Variants in ATCAY observed in about 807,000 individuals in gnomAD.
ATCAY encodes the protein caytaxin.
In ATCAY, 22 loss-of-function variants were observed where a neutral mutation model predicts 47.7. The observed-to-expected ratio is 0.46, with a 90% confidence interval of 0.33 to 0.66. The LOEUF is 0.66. Ranked by LOEUF, ATCAY falls within the 30% of genes least tolerant of loss-of-function variation. ATCAY has a pLI of 0.02. For synonymous variants in ATCAY, 216 were observed against 207.6 expected, an observed-to-expected ratio of 1.04 and a Z score of -0.35; for missense variants, 452 against 515.0, an observed-to-expected ratio of 0.88 and a Z score of 1.18.
chr19:3,898,187 C>A (rs1402410204), intron 2 of ATCAY, among the ~76,000 whole-genome samples: 1 of 148,858 alleles, frequency 6.7e-6, no homozygotes, highest in Admixed American at 6.7e-5. Context: ...TTTTTTTTTT[C>A]TTTTCTTTTC....
In ATCAY at chr19:3,907,705, C is replaced by A; in HGVS notation, c.359-29C>A. 6.2e-7 allele frequency: 1 copy of A among 1,612,430 alleles called. No individual in the cohort carries two copies. Among genetic ancestry groups the A allele is most frequent in the Non-Finnish European group, 8.5e-7 (1 of 1,179,216 alleles). ...GCAGGAGATATCCGGACTCTGGCGT[C>A]CATGCGACTCTCCGCCACCTGCTTC... On this transcript the variant is annotated intron_variant, in intron 4 of 12. Coordinates refer to ENST00000450849, the MANE Select transcript of ATCAY (RefSeq NM_033064.5). This position sits in a 1 kb window ranked among gnomAD's most constrained non-coding sequence, Gnocchi z 5.1.
intron 2 of ATCAY, among the ~76,000 whole-genome samples, chr19:3,895,965 C>T (rs2038766325): frequency 6.6e-6 from 1 of 152,110 alleles, no homozygotes; most frequent in African/African-American, 2.4e-5. Flanking sequence ...GATCCTCCCA[C>T]CTCAGCCTGC....
chr19:3,890,236 C>T (rs1321398071), intron 2 of ATCAY, among the ~76,000 whole-genome samples: 1 of 136,416 alleles, frequency 7.3e-6, no homozygotes, highest in African/African-American at 2.8e-5. Context: ...TTGGGCCCAG[C>T]TCCACCTATA....
intron 5 of ATCAY, 129 bp downstream of exon 5, chr19:3,908,048 T>A: frequency 7.7e-7 from 1 of 1,296,946 alleles, no homozygotes; most frequent in Non-Finnish European, 1.1e-6. Context: ...GGACGGACTG[T>A]GGGCAAGGCG....
rs765579267 is a variant in ATCAY at position 3,924,983 on chromosome 19, C to A, written c.*391C>A. ...CAAGACCCTTCTCTTGCTTGTCACC[C>A]GCTCCAGGTTGGAGCCACAGACACC... On this transcript the variant is annotated 3_prime_UTR_variant, in exon 13 of 13. Coordinates refer to ENST00000450849, the MANE Select transcript of ATCAY (RefSeq NM_033064.5). 4 of 180,046 alleles carry A rather than the reference C, an allele frequency of 2.2e-5. No homozygotes were observed. The highest frequency in any genetic ancestry group is 4.7e-5 in the Non-Finnish European group (4 of 85,094). The allele number at this position is 180,046 out of a possible 1,614,324, so 11.2% of individuals were successfully genotyped here.
chr19:3,907,105 G>A lies in ATCAY; in HGVS notation c.359-629G>A, dbSNP rs909377395. Among the ~76,000 whole-genome samples the A allele has an allele frequency of 1.3e-5, 2 of 148,552 alleles. No individual in the cohort carries two copies. Among genetic ancestry groups the A allele is most frequent in the African/African-American group, 2.5e-5 (1 of 40,306 alleles). On this transcript the variant is annotated intron_variant, in intron 4 of 12. Transcript: ENST00000450849. This position sits in a 1 kb window ranked among gnomAD's most constrained non-coding sequence, Gnocchi z 5.1. Reference sequence around the variant, plus strand: ...GCAGAGATCGCACCACTCCACTCCAGCCTGGGCGATGGAACAAGACTCTCT... The same window carrying A: ...GCAGAGATCGCACCACTCCACTCCAACCTGGGCGATGGAACAAGACTCTCT...
chr19:3,892,767 G>A (rs914692428), intron 2 of ATCAY, among the ~76,000 whole-genome samples: 3 of 152,040 alleles, frequency 2.0e-5, no homozygotes, highest in African/African-American at 7.2e-5. Context: ...AATCAACTGG[G>A]TGTGGTGGCG....
At chr19:3,892,227 G>A (rs532772744) in intron 2 of ATCAY, among the ~76,000 whole-genome samples, 11 of 151,300 alleles carry the variant, frequency 7.3e-5, no homozygotes, top group Non-Finnish European at 1.6e-4. Flanking sequence ...TTTCCAGACG[G>A]GGTCTTGCTC....
chr19:3,884,019 G>A (rs939517949), intron 1 of ATCAY, among the ~76,000 whole-genome samples: 1 of 152,020 alleles, frequency 6.6e-6, no homozygotes, highest in Non-Finnish European at 1.5e-5. Context: ...TGGTGTGGGG[G>A]GTGGGGCGGC....
chr19:3,908,342 TACC>T lies in ATCAY; in HGVS notation c.622_624del (p.His208del). The T allele has an allele frequency of 6.3e-7, 1 of 1,593,488 alleles. No homozygotes were observed. Among genetic ancestry groups the T allele is most frequent in the Non-Finnish European group, 8.5e-7 (1 of 1,169,868 alleles). On this transcript the variant is annotated inframe_deletion, in exon 6 of 13. Coordinates refer to ENST00000450849, the MANE Select transcript of ATCAY (RefSeq NM_033064.5). ...CCTTCCAGACAGCAGCCTCCCCGAC[TACC>T]ACTACATCATGGAGAACCTCTTCCT...
chr19:3,908,470 C>T (rs2038886302), intron 6 of ATCAY, 100 bp downstream of exon 6: 2 of 1,129,976 alleles, frequency 1.8e-6, no homozygotes, highest in Admixed American at 2.0e-5. Flanking sequence ...CCCTAGGAAG[C>T]CTGCCTGGCA....
chr19:3,887,488 T>C (rs2038668732), intron 2 of ATCAY, among the ~76,000 whole-genome samples: 1 of 150,524 alleles, frequency 6.6e-6, no homozygotes, highest in Non-Finnish European at 1.5e-5. Context: ...ATTTTATTTA[T>C]TTATTTATTT....
intron 1 of ATCAY, among the ~76,000 whole-genome samples, chr19:3,884,411 G>T (rs2038629044): frequency 6.6e-6 from 1 of 152,188 alleles, no homozygotes; most frequent in Admixed American, 6.5e-5. Flanking sequence ...ACTAGGACTT[G>T]CTTGAGGGAG....
intron 1 of ATCAY, among the ~76,000 whole-genome samples, chr19:3,881,782 A>G (rs1599271451): frequency 6.9e-6 from 1 of 145,794 alleles, no homozygotes; most frequent in African/African-American, 2.6e-5. Context: ...AGAGGCGAAG[A>G]CCCCTTCCTC....
At chr19:3,881,866 G>GCCCC (rs34938220) in intron 1 of ATCAY, among the ~76,000 whole-genome samples, 2 of 117,610 alleles carry the variant, frequency 1.7e-5, no homozygotes, top group Admixed American at 1.9e-4. Flanking sequence ...TGCTGCCACC[G>GCCCC]CCCCCCCCCC....
At chr19:3,895,943 C>G (rs371203164) in intron 2 of ATCAY, among the ~76,000 whole-genome samples, 1 of 152,028 alleles carries the variant, frequency 6.6e-6, no homozygotes, top group Non-Finnish European at 1.5e-5. Context: ...TCTCGAACTC[C>G]TAGTCTCAAG....
chr19:3,908,159 GC>G, intron 5 of ATCAY, 108 bp from the exon 6 acceptor site: 1 of 1,098,690 alleles, frequency 9.1e-7, no homozygotes, highest in African/African-American at 1.6e-5. Flanking sequence ...GTGGCTCGGA[GC>G]CATGCCCTCC....
chr19:3,919,399 C>T (rs1434977269), intron 11 of ATCAY, among the ~76,000 whole-genome samples: 1 of 151,950 alleles, frequency 6.6e-6, no homozygotes, highest in Admixed American at 6.6e-5. Flanking sequence ...CGAGACCAGC[C>T]TGGCCAACAT....
intron 9 of ATCAY, among the ~76,000 whole-genome samples, chr19:3,915,972 G>C (rs1246561281): frequency 2.0e-5 from 3 of 151,964 alleles, no homozygotes; most frequent in Non-Finnish European, 4.4e-5. Context: ...TTACAGGCAT[G>C]AGCCACTGCA....
Sources: allele counts gnomAD v4.1 joint callset (sites outside exome capture counted in the v4.1 genomes callset), GRCh38; gene constraint gnomAD v4.1.1; non-coding constraint Gnocchi (gnomAD v3.1); transcripts MANE v1.5; gene names NCBI Gene and HGNC (gene_info 2026-07-23, HGNC 2026-07-21).